The following TIMP2 variants were observed in gnomAD, a reference collection of about 807,000 sequenced individuals.
TIMP2 encodes the protein TIMP metallopeptidase inhibitor 2, also known as metalloproteinase inhibitor 2.
TIMP2 carries 5 observed loss-of-function variants against 24.3 expected under a neutral mutation model. That is an observed-to-expected ratio of 0.21 (90% CI 0.11 to 0.43). TIMP2 has a LOEUF of 0.43. Ranked by LOEUF, TIMP2 falls within the 20% of genes least tolerant of loss-of-function variation. TIMP2 has a pLI of 1.00. For missense variants in TIMP2, 221 were observed against 297.5 expected, an observed-to-expected ratio of 0.74 and a Z score of 1.89; for synonymous variants, 130 against 123.2, an observed-to-expected ratio of 1.06 and a Z score of -0.37.
At chr17:78,880,333 T>C (rs1490740179) in intron 1 of TIMP2, among the ~76,000 whole-genome samples, 1 of 152,092 alleles carries the variant, frequency 6.6e-6, no homozygotes, top group Admixed American at 6.5e-5. Context: ...TGGAAGTTCC[T>C]GCGGAAAATA....
intron 1 of TIMP2, among the ~76,000 whole-genome samples, chr17:78,877,647 T>A (rs2069739893): frequency 1.3e-5 from 2 of 151,862 alleles, no homozygotes; most frequent in East Asian, 1.9e-4. Flanking sequence ...TTTATTACAG[T>A]CTGCTGAATT....
intron 1 of TIMP2, among the ~76,000 whole-genome samples, chr17:78,884,493 A>G (rs1054606338): frequency 6.6e-5 from 10 of 152,172 alleles, no homozygotes; most frequent in Admixed American, 6.5e-4. Context: ...CATGAAGGAC[A>G]TGAAGGCTGG....
At chr17:78,887,831 C>T (rs1009601571) in intron 1 of TIMP2, among the ~76,000 whole-genome samples, 5 of 151,804 alleles carry the variant, frequency 3.3e-5, no homozygotes, top group East Asian at 1.9e-4. Flanking sequence ...TTTTGACACC[C>T]GGTCCTTTGA....
At position 78,925,274 on chromosome 17, in the gene TIMP2, C is replaced by A; in HGVS notation, c.-186G>T. 1 of 62,440 alleles carries A rather than the reference C, an allele frequency of 1.6e-5. No homozygotes were observed. Among genetic ancestry groups the A allele is most frequent in the South Asian group, 4.5e-4 (1 of 2,216 alleles). 3.9% of individuals were successfully genotyped at this position (62,440 alleles called of 1,614,324 possible). A position where few individuals can be genotyped will look rare whatever the true frequency, so the allele number is the denominator to read the frequency against. Reference sequence around the variant, plus strand: ...TTCTCTCCTCTTTGTCTCGGGGGCGCGAGGGGAGGGGCGCGGGGCGCAATT... The same window carrying A: ...TTCTCTCCTCTTTGTCTCGGGGGCGAGAGGGGAGGGGCGCGGGGCGCAATT... On this transcript the variant is annotated 5_prime_UTR_variant, in exon 1 of 5. Coordinates refer to ENST00000262768, the MANE Select transcript of TIMP2 (RefSeq NM_003255.5).
intron 1 of TIMP2, among the ~76,000 whole-genome samples, chr17:78,910,553 CTGTAATTT>C (rs2070198711): frequency 6.6e-6 from 1 of 152,186 alleles, no homozygotes; most frequent in Non-Finnish European, 1.5e-5. Context: ...TCCTATCTAG[CTGTAATTT>C]TGTATCCTTT....
intron 1 of TIMP2, among the ~76,000 whole-genome samples, chr17:78,910,563 G>C (rs2070198787): frequency 6.6e-6 from 1 of 152,042 alleles, no homozygotes; most frequent in African/African-American, 2.4e-5. Flanking sequence ...CTGTAATTTT[G>C]TATCCTTTAA....
intron 1 of TIMP2, among the ~76,000 whole-genome samples, chr17:78,888,670 C>G (rs1348546480): frequency 6.6e-6 from 1 of 152,024 alleles, no homozygotes; most frequent in Non-Finnish European, 1.5e-5. Flanking sequence ...ACGCTGGTCT[C>G]GAATTCCTGG....
chr17:78,878,685 G>A (rs1310688159), intron 1 of TIMP2, among the ~76,000 whole-genome samples: 2 of 152,050 alleles, frequency 1.3e-5, no homozygotes, highest in Non-Finnish European at 2.9e-5. Flanking sequence ...GGACTAGAAA[G>A]TGAACTGGCG....
intron 1 of TIMP2, among the ~76,000 whole-genome samples, chr17:78,885,258 G>A (rs967900096): frequency 2.0e-5 from 3 of 152,344 alleles, no homozygotes; most frequent in Non-Finnish European, 4.4e-5. Flanking sequence ...AGTGAGGCGC[G>A]AACACGGAAT....
intron 1 of TIMP2, among the ~76,000 whole-genome samples, chr17:78,919,449 T>C (rs532456452): frequency 4.3e-4 from 65 of 152,302 alleles, no homozygotes; most frequent in Non-Finnish European, 7.8e-4. Flanking sequence ...TGCCGCTAAA[T>C]GACCAGGGGT....
intron 4 of TIMP2, 136 bp downstream of exon 4, chr17:78,857,386 C>T (rs1202761530): frequency 1.6e-6 from 2 of 1,238,828 alleles, no homozygotes; most frequent in Middle Eastern, 1.9e-4. Context: ...TGGGATGACT[C>T]TACCTTCCCA....
At chr17:78,892,342 G>C (rs1341434296) in intron 1 of TIMP2, 2 of 1,550,648 alleles carry the variant, frequency 1.3e-6, no homozygotes, top group Middle Eastern at 1.7e-4. Flanking sequence ...TTCTGTTCCT[G>C]TCTGCGAACC....
intron 3 of TIMP2, among the ~76,000 whole-genome samples, chr17:78,862,381 C>T (rs761631734): frequency 4.6e-5 from 7 of 152,166 alleles, no homozygotes; most frequent in Non-Finnish European, 1.0e-4. Context: ...GTCATCTGAC[C>T]AAGGCTGGGA....
At chr17:78,874,074 C>T in intron 1 of TIMP2, 155 bp from the exon 2 acceptor site, 1 of 578,670 alleles carries the variant, frequency 1.7e-6, no homozygotes, top group African/African-American at 1.9e-5. Flanking sequence ...ATCCCAGCCC[C>T]CGGCATGGCG....
intron 1 of TIMP2, among the ~76,000 whole-genome samples, chr17:78,912,538 G>T (rs1339854997): frequency 5.9e-5 from 9 of 152,214 alleles, no homozygotes; most frequent in African/African-American, 1.4e-4. Context: ...CCCTGCTCTA[G>T]CCCACCCGTG....
chr17:78,879,902 C>T (rs74928368), intron 1 of TIMP2, among the ~76,000 whole-genome samples: 2 of 151,850 alleles, frequency 1.3e-5, no homozygotes, highest in Admixed American at 6.6e-5. Flanking sequence ...CGAGCGCACC[C>T]GCCAGAGTGG....
chr17:78,890,199 A>C (rs1236803431), intron 1 of TIMP2, among the ~76,000 whole-genome samples: 1 of 144,024 alleles, frequency 6.9e-6, no homozygotes, highest in African/African-American at 2.7e-5. Flanking sequence ...ATAATGACAG[A>C]TTGCTTTTTT....
Position 78,896,903 on chromosome 17 carries a change from G to A in TIMP2, c.131-22984C>T, listed in dbSNP as rs1157582030. The A allele has an allele frequency of 1.4e-5, 14 of 984,670 alleles. No homozygotes were observed. Among genetic ancestry groups the A allele is most frequent in the Non-Finnish European group, 1.4e-5 (12 of 829,386 alleles). The allele number at this position is 984,670 out of a possible 1,614,324, so 61.0% of individuals were successfully genotyped here. On this transcript the variant is annotated intron_variant, in intron 1 of 4. Coordinates refer to ENST00000262768, the MANE Select transcript of TIMP2 (RefSeq NM_003255.5). The surrounding 1 kb of genome is among the most constrained non-coding windows in gnomAD (Gnocchi z 4.4). ...ATCCGATCCCAGCACCTGGGCCCAGGAATGTGCTTGGCCACCAGATTCCCA... is the reference window on the plus strand; with the variant it reads ...ATCCGATCCCAGCACCTGGGCCCAGAAATGTGCTTGGCCACCAGATTCCCA...
rs1374384202 is a variant in TIMP2, at chr17:78,891,113, A to G, written c.131-17194T>C. 1.9e-6 allele frequency: 3 copies of G among 1,550,622 alleles called. No homozygotes were observed. Among genetic ancestry groups the G allele is most frequent in the Non-Finnish European group, 2.6e-6 (3 of 1,147,032 alleles). Reference sequence around the variant, plus strand: ...TTGTCCAGATTCAGTGCTATACAATAATGAGTCCTCTTTGTTGATAAATAT... The same window carrying G: ...TTGTCCAGATTCAGTGCTATACAATGATGAGTCCTCTTTGTTGATAAATAT... On this transcript the variant is annotated intron_variant, in intron 1 of 4. Coordinates refer to ENST00000262768, the MANE Select transcript of TIMP2 (RefSeq NM_003255.5). The surrounding 1 kb of genome is among the most constrained non-coding windows in gnomAD (Gnocchi z 4.5).
Sources: allele counts gnomAD v4.1 joint callset (sites outside exome capture counted in the v4.1 genomes callset), GRCh38; gene constraint gnomAD v4.1.1; non-coding constraint Gnocchi (gnomAD v3.1); transcripts MANE v1.5; gene names NCBI Gene and HGNC (gene_info 2026-07-23, HGNC 2026-07-21).